MAPKAP1: variants seen among roughly 807,000 people sequenced by gnomAD.
The protein encoded by MAPKAP1 is target of rapamycin complex 2 subunit MAPKAP1.
In MAPKAP1, 20 loss-of-function variants were observed where a neutral mutation model predicts 65.7. The observed-to-expected ratio is 0.30, with a 90% CI of 0.21 to 0.44. MAPKAP1 has a LOEUF of 0.44. MAPKAP1 is among the 20% of genes least tolerant of loss of function. MAPKAP1 has a pLI of 1.00. For synonymous variants in MAPKAP1, 222 were observed against 244.3 expected (o/e 0.91, Z 0.85); for missense variants, 423 against 648.0 (o/e 0.65, Z 3.77).
intron 1 of MAPKAP1, among the ~76,000 whole-genome samples, chr9:125,687,332 A>G (rs1835014162): frequency 6.6e-6 from 1 of 152,110 alleles, no homozygotes; most frequent in Non-Finnish European, 1.5e-5. Context: ...TGGATTAGTG[A>G]CATCTGCTAT....
chr9:125,636,025 G>A (rs1489247437), intron 4 of MAPKAP1, among the ~76,000 whole-genome samples: 2 of 152,176 alleles, frequency 1.3e-5, no homozygotes, highest in African/African-American at 2.4e-5. Context: ...TATCAGCTGC[G>A]GCTGGTGTAA....
chr9:125,554,568 G>A (rs1274148054), intron 6 of MAPKAP1, among the ~76,000 whole-genome samples: 4 of 152,136 alleles, frequency 2.6e-5, no homozygotes, highest in Admixed American at 6.5e-5. Flanking sequence ...GGAGGCCGAG[G>A]CAGGAGGACT....
chr9:125,470,293 A>G (rs998949082), intron 9 of MAPKAP1, among the ~76,000 whole-genome samples: 7 of 152,250 alleles, frequency 4.6e-5, no homozygotes, highest in African/African-American at 1.4e-4. Context: ...AATGACACCC[A>G]AAGTGGCTGT....
At chr9:125,638,852 A>T (rs1833496473) in intron 4 of MAPKAP1, among the ~76,000 whole-genome samples, 1 of 152,238 alleles carries the variant, frequency 6.6e-6, no homozygotes, top group Non-Finnish European at 1.5e-5. Context: ...GGCAAAAGGA[A>T]CGATCACCAC....
intron 4 of MAPKAP1, among the ~76,000 whole-genome samples, chr9:125,640,540 C>T (rs977302550): frequency 1.7e-4 from 26 of 152,010 alleles, no homozygotes; most frequent in Admixed American, 6.6e-5. Context: ...GAAAAATCTA[C>T]CTTGCCTACA....
At chr9:125,547,890 T>C (rs529372589) in intron 6 of MAPKAP1, among the ~76,000 whole-genome samples, 1 of 152,358 alleles carries the variant, frequency 6.6e-6, no homozygotes, top group South Asian at 2.1e-4. Flanking sequence ...CTTAATTCAC[T>C]GGCTTTGCAT....
chr9:125,512,275 T>C (rs1277855077), intron 7 of MAPKAP1, among the ~76,000 whole-genome samples: 1 of 152,252 alleles, frequency 6.6e-6, no homozygotes, highest in Non-Finnish European at 1.5e-5. Flanking sequence ...GCTCTGTGTC[T>C]TCTTTCTAGA....
chr9:125,684,785 G>C (rs12001887), intron 1 of MAPKAP1, among the ~76,000 whole-genome samples: 3 of 151,940 alleles, frequency 2.0e-5, no homozygotes, highest in Non-Finnish European at 4.4e-5. Flanking sequence ...GGGCTCAGGC[G>C]ATCCTCCCAA....
At chr9:125,643,025 G>A (rs1409372766) in intron 4 of MAPKAP1, among the ~76,000 whole-genome samples, 4 of 151,366 alleles carry the variant, frequency 2.6e-5, no homozygotes, top group East Asian at 1.9e-4. Context: ...TCAGCCTCCC[G>A]AGTAGCTAGG....
At chr9:125,618,487 T>TA (rs753288041) in intron 4 of MAPKAP1, among the ~76,000 whole-genome samples, 22 of 151,848 alleles carry the variant, frequency 1.4e-4, no homozygotes, top group Non-Finnish European at 1.9e-4. Context: ...ATTCAAGTTC[T>TA]AACTTCAGTT....
intron 3 of MAPKAP1, among the ~76,000 whole-genome samples, chr9:125,663,139 T>C (rs540581274): frequency 6.6e-6 from 1 of 152,146 alleles, no homozygotes; most frequent in Non-Finnish European, 1.5e-5. Context: ...TCAAATCACC[T>C]CAGAGAAAAA....
At chr9:125,497,028 G>A (rs893815315) in intron 8 of MAPKAP1, among the ~76,000 whole-genome samples, 1 of 152,156 alleles carries the variant, frequency 6.6e-6, no homozygotes, top group Non-Finnish European at 1.5e-5. Flanking sequence ...TCAGAGAGGA[G>A]TAAAGGTAGG....
intron 8 of MAPKAP1, among the ~76,000 whole-genome samples, chr9:125,501,483 ATGGTC>A (rs1317943319): frequency 6.6e-6 from 1 of 152,208 alleles, no homozygotes; most frequent in Non-Finnish European, 1.5e-5. Flanking sequence ...TCTGTCTTGT[ATGGTC>A]TTTACTGAGT....
chr9:125,643,778 C>G (rs1209580344), intron 4 of MAPKAP1, among the ~76,000 whole-genome samples: 4 of 152,130 alleles, frequency 2.6e-5, no homozygotes, highest in Non-Finnish European at 5.9e-5. Context: ...TATAATTAGG[C>G]TTTTGATATA....
chr9:125,657,197 C>A (rs1241988915), intron 4 of MAPKAP1, among the ~76,000 whole-genome samples: 1 of 152,124 alleles, frequency 6.6e-6, no homozygotes, highest in Non-Finnish European at 1.5e-5. Flanking sequence ...TGATTAATCA[C>A]AATCTAACTA....
intron 11 of MAPKAP1, among the ~76,000 whole-genome samples, chr9:125,442,179 T>A (rs1244350856): frequency 6.8e-6 from 1 of 146,720 alleles, no homozygotes; most frequent in African/African-American, 2.5e-5. Flanking sequence ...AAGTACTATC[T>A]CATCTTCCAT....
chr9:125,684,924 C>A (rs982128652), intron 1 of MAPKAP1, among the ~76,000 whole-genome samples: 3 of 152,152 alleles, frequency 2.0e-5, no homozygotes, highest in Non-Finnish European at 4.4e-5. Flanking sequence ...TCCTCCCCAT[C>A]GGCCTCCCAG....
At chr9:125,519,261 C>T (rs1358596329) in intron 7 of MAPKAP1, among the ~76,000 whole-genome samples, 2 of 152,118 alleles carry the variant, frequency 1.3e-5, no homozygotes. Flanking sequence ...AAGTAGACCA[C>T]AGAAGCTTCC....
intron 1 of MAPKAP1, among the ~76,000 whole-genome samples, chr9:125,674,294 A>T (rs989385681): frequency 1.2e-4 from 19 of 152,216 alleles, no homozygotes; most frequent in African/African-American, 4.6e-4. Context: ...CAATAATTTC[A>T]ATGATCAATT....
Sources: allele counts gnomAD v4.1 joint callset (sites outside exome capture counted in the v4.1 genomes callset), GRCh38; gene constraint gnomAD v4.1.1; transcripts MANE v1.5; gene names NCBI Gene and HGNC (gene_info 2026-07-23, HGNC 2026-07-21).